LRBA: variants seen among roughly 807,000 people sequenced by gnomAD.
The protein encoded by LRBA is lipopolysaccharide-responsive and beige-like anchor protein.
LRBA carries 176 observed loss-of-function variants against 330.0 expected under a neutral mutation model. The ratio of observed to expected loss-of-function variants is 0.53; its 90% CI spans 0.47 to 0.60. The LOEUF is 0.60. Ranked by LOEUF, LRBA falls within the 20% of genes least tolerant of loss-of-function variation. LRBA has a pLI of 0.00. For missense variants in LRBA, 3,259 were observed against 3,444.8 expected, an observed-to-expected ratio of 0.95 and a Z score of 1.35; for synonymous variants, 1,230 against 1,193.0, an observed-to-expected ratio of 1.03 and a Z score of -0.64.
intron 37 of LRBA, among the ~76,000 whole-genome samples, chr4:150,603,309 C>G (rs1050372003): frequency 6.6e-6 from 1 of 152,156 alleles, no homozygotes; most frequent in African/African-American, 2.4e-5. Context: ...TTTGGTCTAA[C>G]TTCAGAGTCT....
rs909030290 is a variant in LRBA at position 150,706,342 on chromosome 4, A to G, written c.5755-22625T>C. Among the ~76,000 whole-genome samples the G allele has an allele frequency of 2.0e-5, 3 of 151,912 alleles. No individual in the cohort carries two copies. In the South Asian group the frequency reaches 6.2e-4, roughly 31 times the overall value. On this transcript the variant is annotated intron_variant, in intron 36 of 56. Coordinates refer to ENST00000651943, the MANE Select transcript of LRBA (RefSeq NM_001364905.1). ...ATACAGGCATTTAGTATATAACAGT[A>G]GCATCTTAAATGAAAACTTAGACTA...
intron 37 of LRBA, chr4:150,679,701 A>G (rs1782883218): frequency 6.6e-6 from 1 of 152,240 alleles, no homozygotes; most frequent in Non-Finnish European, 1.5e-5. Flanking sequence ...TTCTTAAAGC[A>G]GCAGAAATCT....
Position 150,264,911 on chromosome 4 carries a change from CCAACAAAA to C in LRBA, c.*803_*810del, listed in dbSNP as rs75691255. 43,707 of 95,234 alleles carry C rather than the reference CCAACAAAA, an allele frequency of 0.46. 6,462 individuals are homozygous for C. Among genetic ancestry groups the C allele is most frequent in the Non-Finnish European group, 0.52 (20,245 of 39,196 alleles). The allele number at this position is 95,234 out of a possible 1,614,324, so 5.9% of individuals were successfully genotyped here. ...AAACCCGGGGAGGGAAGGGGGTGCC[CCAACAAAA>C]CAACAGTGGCTCCGCCTCATTGTCC... On this transcript the variant is annotated 3_prime_UTR_variant, in exon 57 of 57. Coordinates refer to ENST00000651943, the MANE Select transcript of LRBA (RefSeq NM_001364905.1).
intron 37 of LRBA, among the ~76,000 whole-genome samples, chr4:150,608,864 T>C (rs1015892671): frequency 6.6e-6 from 1 of 152,360 alleles, no homozygotes; most frequent in Non-Finnish European, 1.5e-5. Flanking sequence ...ATATGTAGAA[T>C]TGTGTGACTG....
chr4:150,862,867 T>C (rs1490387146), intron 22 of LRBA, among the ~76,000 whole-genome samples: 3 of 151,904 alleles, frequency 2.0e-5, no homozygotes, highest in East Asian at 1.9e-4. Context: ...TTGTCCCAGC[T>C]ACTCGCCAGG....
intron 37 of LRBA, among the ~76,000 whole-genome samples, chr4:150,656,817 C>T (rs983602737): frequency 6.6e-6 from 1 of 151,952 alleles, no homozygotes; most frequent in Non-Finnish European, 1.5e-5. Flanking sequence ...AACTCAATAC[C>T]TATTACAAAT....
At chr4:150,753,765 G>A (rs1276864073) in intron 35 of LRBA, among the ~76,000 whole-genome samples, 1 of 151,996 alleles carries the variant, frequency 6.6e-6, no homozygotes, top group East Asian at 1.9e-4. Context: ...TCAGAACAAA[G>A]CAAGCTTAAA....
intron 44 of LRBA, among the ~76,000 whole-genome samples, chr4:150,448,315 A>G (rs899177835): frequency 2.0e-5 from 3 of 152,244 alleles, no homozygotes; most frequent in African/African-American, 7.2e-5. Context: ...AGTATCAGGG[A>G]ATGTTGCTGT....
At chr4:150,803,435 A>G (rs1295437744) in intron 33 of LRBA, among the ~76,000 whole-genome samples, 3 of 152,120 alleles carry the variant, frequency 2.0e-5, no homozygotes, top group Non-Finnish European at 4.4e-5. Context: ...TATACTTACT[A>G]CTTTTGTGAA....
intron 35 of LRBA, among the ~76,000 whole-genome samples, chr4:150,751,074 TTATC>T (rs1478974317): frequency 1.3e-5 from 2 of 152,152 alleles, no homozygotes; most frequent in Non-Finnish European, 2.9e-5. Flanking sequence ...GCATCTAAAT[TTATC>T]TAAGCAATTA....
chr4:150,640,496 A>G (rs532862533), intron 37 of LRBA, among the ~76,000 whole-genome samples: 2 of 152,226 alleles, frequency 1.3e-5, no homozygotes, highest in Non-Finnish European at 2.9e-5. Context: ...GATTAATATT[A>G]TTTATCTAGA....
intron 38 of LRBA, 96 bp downstream of exon 38, chr4:150,598,911 G>T: frequency 1.4e-6 from 2 of 1,426,596 alleles, no homozygotes; most frequent in Non-Finnish European, 1.9e-6. Context: ...ATGTGGTGTT[G>T]GACCATTTTA....
chr4:150,821,783 T>C (rs1303660598), intron 30 of LRBA, among the ~76,000 whole-genome samples: 1 of 152,156 alleles, frequency 6.6e-6, no homozygotes, highest in Non-Finnish European at 1.5e-5. Context: ...TCACTAATCA[T>C]CAGAGAGGAT....
chr4:150,419,699 G>A (rs866792700), intron 46 of LRBA, among the ~76,000 whole-genome samples: 18 of 144,224 alleles, frequency 1.2e-4, no homozygotes, highest in African/African-American at 2.6e-4. Flanking sequence ...GTGCAGTGGC[G>A]CGATCTTGGC....
At chr4:150,855,304 C>T (rs369142017) in intron 22 of LRBA, among the ~76,000 whole-genome samples, 1 of 152,110 alleles carries the variant, frequency 6.6e-6, no homozygotes, top group African/African-American at 2.4e-5. Flanking sequence ...GGAAAACTGA[C>T]TTTAGAGAGA....
intron 2 of LRBA, among the ~76,000 whole-genome samples, chr4:150,966,958 G>T (rs1148631): frequency 0.11 from 16,111 of 152,130 alleles, 1,173 homozygotes; most frequent in South Asian, 0.26. Context: ...TCATGGCCTT[G>T]AAATCTAAAC....
intron 40 of LRBA, among the ~76,000 whole-genome samples, chr4:150,500,904 C>T (rs1044113045): frequency 2.6e-5 from 4 of 152,134 alleles, no homozygotes; most frequent in African/African-American, 9.7e-5. Context: ...GAGGGAAATA[C>T]TTTTCTACTT....
intron 55 of LRBA, among the ~76,000 whole-genome samples, chr4:150,279,620 C>A (rs546878264): frequency 1.3e-5 from 2 of 152,208 alleles, no homozygotes; most frequent in Non-Finnish European, 2.9e-5. Flanking sequence ...TTCACATTCA[C>A]CCAAATGCCA....
chr4:150,283,724 T>A (rs1281572817), intron 54 of LRBA, among the ~76,000 whole-genome samples: 2 of 152,216 alleles, frequency 1.3e-5, no homozygotes, highest in African/African-American at 4.8e-5. Flanking sequence ...AGCCCTCCAA[T>A]AACATAGTTC....
Sources: allele counts gnomAD v4.1 joint callset (sites outside exome capture counted in the v4.1 genomes callset), GRCh38; gene constraint gnomAD v4.1.1; transcripts MANE v1.5; gene names NCBI Gene and HGNC (gene_info 2026-07-23, HGNC 2026-07-21).